Variants in PDE6B observed in about 807,000 individuals in gnomAD.
PDE6B encodes the protein rod cGMP-specific 3',5'-cyclic phosphodiesterase subunit beta.
A neutral mutation model predicts 109.0 loss-of-function variants in PDE6B; 106 were observed. The observed-to-expected ratio is 0.97, with a 90% CI of 0.83 to 1.14. The LOEUF is 1.14. Ranked by LOEUF, PDE6B falls within the 50% of genes most tolerant of loss-of-function variation. The pLI is 0.00. For missense variants in PDE6B, 1,193 were observed against 1,155.6 expected (o/e 1.03, Z -0.47); for synonymous variants, 490 against 471.3 (o/e 1.04, Z -0.51).
rs548150872 is a variant in PDE6B, at chr4:660,415, A to C, written c.1468-52A>C. The C allele has an allele frequency of 4.4e-6, 7 of 1,586,410 alleles. No individual in the cohort carries two copies. The African/African-American group carries it at 8.1e-5, about 18-fold the overall frequency. On this transcript the variant is annotated intron_variant, in intron 11 of 21. Transcript: ENST00000496514. Reference sequence around the variant, plus strand: ...CTGGAGAGAAGAAAGGATGAGAAGCAAGTGGGGGCTGTGGCAGGCCAACCT... The same window carrying C: ...CTGGAGAGAAGAAAGGATGAGAAGCCAGTGGGGGCTGTGGCAGGCCAACCT...
intron 3 of PDE6B, among the ~76,000 whole-genome samples, chr4:642,491 A>G (rs747770997): frequency 1.3e-5 from 2 of 150,168 alleles, no homozygotes; most frequent in African/African-American, 2.5e-5. Context: ...AAACAAAACT[A>G]AACTAAAAAA....
chr4:657,509 G>A lies in PDE6B; in HGVS notation c.1401+15G>A, dbSNP rs550223936. 3.4e-6 allele frequency: 5 copies of A among 1,466,572 alleles called. No homozygotes were observed. Among genetic ancestry groups the A allele is most frequent in the African/African-American group, 1.4e-5 (1 of 73,790 alleles). The allele number at this position is 1,466,572 out of a possible 1,614,324, so 90.8% of individuals were successfully genotyped here. On this transcript the variant is annotated intron_variant, in intron 10 of 21. Coordinates refer to ENST00000496514, the MANE Select transcript of PDE6B (RefSeq NM_000283.4). The stretch of plus-strand genomic sequence containing the variant: ...AGCTCATCCTGGTGCGGCGGGGCAG[G>A]ACGTCCAGGGGTCACCCAGGGGTCA...
Position 665,137 on chromosome 4 carries a change from G to T in PDE6B, c.2194-118G>T, listed in dbSNP as rs1410505955. ...CATGGCTCAACCGGAGCCCTGTGTG[G>T]TGGGGACCCCGGGGGTCTGGGGCGG... On this transcript the variant is annotated intron_variant, in intron 18 of 21. Transcript: ENST00000496514. This position sits in a 1 kb window ranked among gnomAD's most constrained non-coding sequence, Gnocchi z 4.0. 1 of 871,720 alleles carries T rather than the reference G, an allele frequency of 1.1e-6. No individual in the cohort carries two copies. Among genetic ancestry groups the T allele is most frequent in the Non-Finnish European group, 1.9e-6 (1 of 521,396 alleles). 54.0% of individuals were successfully genotyped at this position (871,720 alleles called of 1,614,324 possible). A position where few individuals can be genotyped will look rare whatever the true frequency, so the allele number is the denominator to read the frequency against.
At chr4:656,070 T>G (rs1416307752) in intron 7 of PDE6B, 64 bp downstream of exon 7, 1 of 1,127,968 alleles carries the variant, frequency 8.9e-7, no homozygotes, top group Non-Finnish European at 1.4e-6. Flanking sequence ...GATGTGTGCT[T>G]CTCCTTGTCT....
intron 3 of PDE6B, among the ~76,000 whole-genome samples, chr4:645,640 T>C (rs114862883): frequency 1.3e-5 from 2 of 152,046 alleles, no homozygotes; most frequent in South Asian, 4.1e-4. Context: ...TGGATTAATA[T>C]ATACCATATT....
Position 666,472 on chromosome 4 carries a change from G to A in PDE6B, c.2269-59G>A, listed in dbSNP as rs934806821. 5.0e-6 allele frequency: 6 copies of A among 1,192,348 alleles called. No individual in the cohort carries two copies. The highest frequency in any genetic ancestry group is 1.2e-5 in the South Asian group (1 of 82,482). The allele number at this position is 1,192,348 out of a possible 1,614,324, so 73.9% of individuals were successfully genotyped here. ...GAGTGAGGGGGTCGGGGGGCTGGGC[G>A]GGGCCCCAGGAGCTGCCTCCCTGGT... On this transcript the variant is annotated intron_variant, in intron 19 of 21. Transcript: ENST00000496514. This position sits in a 1 kb window ranked among gnomAD's most constrained non-coding sequence, Gnocchi z 5.6.
chr4:630,778 C>A (rs1381497711), intron 1 of PDE6B, among the ~76,000 whole-genome samples: 1 of 152,234 alleles, frequency 6.6e-6, no homozygotes, highest in African/African-American at 2.4e-5. Flanking sequence ...GGAGCTGTTC[C>A]TCTCGGTCCT....
chr4:657,138 G>A, intron 9 of PDE6B, 115 bp downstream of exon 9: 1 of 1,256,226 alleles, frequency 8.0e-7, no homozygotes, highest in East Asian at 2.3e-5. Flanking sequence ...TCATGTGTGT[G>A]CGGTATGCAT....
chr4:666,432 T>C lies in PDE6B; in HGVS notation c.2269-99T>C. 1 of 805,158 alleles carries C rather than the reference T, an allele frequency of 1.2e-6. No individual in the cohort carries two copies. The allele number at this position is 805,158 out of a possible 1,614,324, so 49.9% of individuals were successfully genotyped here. On this transcript the variant is annotated intron_variant, in intron 19 of 21. Coordinates refer to ENST00000496514, the MANE Select transcript of PDE6B (RefSeq NM_000283.4). This position sits in a 1 kb window ranked among gnomAD's most constrained non-coding sequence, Gnocchi z 5.6. The stretch of plus-strand genomic sequence containing the variant: ...AGGCAGGCTCGTCCCAGGCTGTGTC[T>C]CCATGAGCACATCTGAGTGAGGGGG...
Position 656,862 on chromosome 4 carries a change from C to G in PDE6B, c.1108-12C>G. 1.2e-6 allele frequency: 2 copies of G among 1,612,432 alleles called. No individual in the cohort carries two copies. The highest frequency in any genetic ancestry group is 1.1e-5 in the South Asian group (1 of 91,074). On this transcript the variant is annotated splice_polypyrimidine_tract_variant and intron_variant, in intron 8 of 21. Coordinates refer to ENST00000496514, the MANE Select transcript of PDE6B (RefSeq NM_000283.4). ...TCAGGGCGGAGCTCAGCTCTGGACA[C>G]CGCTCCCGCAGGAAGGGGCCCTGGA...
chr4:642,680 C>T (rs1734999397), intron 3 of PDE6B, among the ~76,000 whole-genome samples: 1 of 142,646 alleles, frequency 7.0e-6, no homozygotes, highest in Non-Finnish European at 1.5e-5. Context: ...CCAGCAGTCC[C>T]AGCAACTCGC....
Position 653,950 on chromosome 4 carries a change from C to A in PDE6B, c.810C>A (p.Cys270Ter), listed in dbSNP as rs145605739. 3.7e-6 allele frequency: 6 copies of A among 1,613,738 alleles called. No individual in the cohort carries two copies. Among genetic ancestry groups the A allele is most frequent in the Admixed American group, 1.7e-5 (1 of 60,006 alleles). ...ACACGGTGCGGGCCTACCTCAACTG[C>A]GAGCGGTACTCCGTGGGCCTCCTGG... ...AFYTVRAYLNCERYSVGLLDM... is the reference protein window; with the variant it reads ...AFYTVRAYLN Residue 270 changes from cysteine (C) to a stop codon, truncating the protein, a stop_gained, in exon 4 of 22, where the codon TGC becomes TGA. Transcript: ENST00000496514. LOFTEE classifies it high-confidence loss of function.
At chr4:640,609 C>T (rs1045941800) in intron 3 of PDE6B, among the ~76,000 whole-genome samples, 1 of 152,090 alleles carries the variant, frequency 6.6e-6, no homozygotes, top group Non-Finnish European at 1.5e-5. Flanking sequence ...TCTAAAAACT[C>T]ATCACTAAAC....
intron 3 of PDE6B, chr4:653,566 A>C (rs566973971): frequency 1.8e-6 from 1 of 545,570 alleles, no homozygotes; most frequent in African/African-American, 1.9e-5. Context: ...TTGCCTGTCA[A>C]GCTCAAAGCG....
Position 625,613 on chromosome 4 carries a change from G to T in PDE6B, c.-14G>T, listed in dbSNP as rs745991527. The T allele has an allele frequency of 6.9e-6, 11 of 1,585,512 alleles. No homozygotes were observed. Among genetic ancestry groups the T allele is most frequent in the African/African-American group, 1.3e-5 (1 of 74,312 alleles). ...TGCCTGGAGCAGCAGCGTCTCCAGG[G>T]ACAGGCAGCCACCATGAGCCTCAGT... is the stretch of plus-strand genomic sequence containing the variant. On this transcript the variant is annotated 5_prime_UTR_variant, in exon 1 of 22. Transcript: ENST00000496514. This position sits in a 1 kb window ranked among gnomAD's most constrained non-coding sequence, Gnocchi z 5.0.
At chr4:643,692 T>A (rs1309485226) in intron 3 of PDE6B, among the ~76,000 whole-genome samples, 3 of 152,030 alleles carry the variant, frequency 2.0e-5, no homozygotes, top group Non-Finnish European at 4.4e-5. Flanking sequence ...AAATCAAATT[T>A]TGAGGCATAG....
intron 3 of PDE6B, among the ~76,000 whole-genome samples, chr4:650,279 C>T (rs976674285): frequency 1.3e-5 from 2 of 152,196 alleles, no homozygotes; most frequent in Non-Finnish European, 2.9e-5. Flanking sequence ...ATTTTAAAGT[C>T]GAGACAATTC....
rs146204075 is a variant in PDE6B, at chr4:653,900, G to A, written c.760G>A (p.Glu254Lys). 112 of 1,613,864 alleles carry A rather than the reference G, an allele frequency of 6.9e-5. 1 individual carries two copies. Among genetic ancestry groups the A allele is most frequent in the Middle Eastern group, 3.3e-4 (2 of 6,062 alleles). Residue 254 changes from glutamate to lysine, a missense_variant, in exon 4 of 22, where the codon GAG (glutamate) becomes AAG (lysine). Physicochemically the swap from Glu to Lys is moderately conservative, Grantham distance 56. Transcript: ENST00000496514. ...GGTGTTTGAGGAGCTGACGGACATC[G>A]AGAGGCAGTTCCACAAGGCCTTCTA... ...NKVFEELTDI[E>K]RQFHKAFYTV...
rs571703100 is a variant in PDE6B at position 665,694 on chromosome 4, G to A, written c.2268+365G>A. 3.3e-5 allele frequency among the ~76,000 whole-genome samples: 5 copies of A among 152,192 alleles called. No individual in the cohort carries two copies. The highest frequency in any genetic ancestry group is 4.8e-5 in the African/African-American group (2 of 41,454). Reference sequence around the variant, plus strand: ...GCAGAGAACGCATGGGGGGCGTCCCGGGCCCACACAGTGGTATGATGGACA... The same window carrying A: ...GCAGAGAACGCATGGGGGGCGTCCCAGGCCCACACAGTGGTATGATGGACA... On this transcript the variant is annotated intron_variant, in intron 19 of 21. Coordinates refer to ENST00000496514, the MANE Select transcript of PDE6B (RefSeq NM_000283.4). The surrounding 1 kb of genome is among the most constrained non-coding windows in gnomAD (Gnocchi z 4.0).
Sources: allele counts gnomAD v4.1 joint callset (sites outside exome capture counted in the v4.1 genomes callset), GRCh38; gene constraint gnomAD v4.1.1; non-coding constraint Gnocchi (gnomAD v3.1); transcripts MANE v1.5; gene names NCBI Gene and HGNC (gene_info 2026-07-23, HGNC 2026-07-21).